KCNIP4: variants seen among roughly 807,000 people sequenced by gnomAD.
KCNIP4 encodes potassium voltage-gated channel interacting protein 4.
A neutral mutation model predicts 34.0 loss-of-function variants in KCNIP4; 12 were observed. The observed-to-expected ratio is 0.35, with a 90% CI of 0.23 to 0.57. The LOEUF is 0.57. Ranked by LOEUF, KCNIP4 falls within the 20% of genes least tolerant of loss-of-function variation. The pLI, the probability that KCNIP4 is intolerant of heterozygous loss-of-function variation, is 0.83. For missense variants in KCNIP4, 238 were observed against 311.7 expected, an observed-to-expected ratio of 0.76 and a Z score of 1.78; for synonymous variants, 124 against 102.2, an observed-to-expected ratio of 1.21 and a Z score of -1.29.
intron 1 of KCNIP4, among the ~76,000 whole-genome samples, chr4:21,309,850 T>C (rs922379709): frequency 6.6e-6 from 1 of 152,150 alleles, no homozygotes; most frequent in African/African-American, 2.4e-5. Context: ...GAAAGTACCA[T>C]GAGATCAGGG....
At chr4:20,910,855 G>A (rs1728262274) in intron 1 of KCNIP4, among the ~76,000 whole-genome samples, 1 of 152,124 alleles carries the variant, frequency 6.6e-6, no homozygotes, top group Admixed American at 6.5e-5. Context: ...GCCCCTTTGA[G>A]TGTGACACAG....
At chr4:21,850,197 T>A (rs1330450424) in intron 1 of KCNIP4, 2 of 151,992 alleles carry the variant, frequency 1.3e-5, no homozygotes, top group Non-Finnish European at 2.9e-5. Flanking sequence ...AATAATATCA[T>A]CCCGACCACC....
In KCNIP4 at chr4:21,281,752, T is replaced by C. The variant is rs534617450; in HGVS notation, c.62-399043A>G. 2.6e-5 allele frequency among the ~76,000 whole-genome samples: 4 copies of C among 152,306 alleles called. No individual in the cohort carries two copies. The South Asian group carries it at 8.3e-4, about 32-fold the overall frequency. ...TGAAAATTGATAACCTGTGTACATATGGCAACTTCCCATTGATCTGAATAT... is the reference window on the plus strand; with the variant it reads ...TGAAAATTGATAACCTGTGTACATACGGCAACTTCCCATTGATCTGAATAT... On this transcript the variant is annotated intron_variant, in intron 1 of 8. Coordinates refer to ENST00000382152, the MANE Select transcript of KCNIP4 (RefSeq NM_025221.6).
chr4:20,728,939 T>C lies in KCNIP4; in HGVS notation c.*1143A>G, dbSNP rs182765734. On this transcript the variant is annotated 3_prime_UTR_variant, in exon 9 of 9. Coordinates refer to ENST00000382152, the MANE Select transcript of KCNIP4 (RefSeq NM_025221.6). Reference sequence around the variant, plus strand: ...TAAGATGATTAAAAATAATCTGAATTATGATGAGCTAAATCATACTGTAAT... The same window carrying C: ...TAAGATGATTAAAAATAATCTGAATCATGATGAGCTAAATCATACTGTAAT... The C allele has an allele frequency of 2.0e-4, 30 of 152,236 alleles. No homozygotes were observed. The highest frequency in any genetic ancestry group is 1.7e-3 in the Admixed American group (26 of 15,278). 9.4% of individuals were successfully genotyped at this position (152,236 alleles called of 1,614,324 possible).
rs758317234 is a variant in KCNIP4 at position 21,830,672 on chromosome 4, TCAAA to T, written c.61+117895_61+117898del. Among the ~76,000 whole-genome samples the T allele has an allele frequency of 1.5e-3, 231 of 152,130 alleles. 4 individuals carry two copies. Among genetic ancestry groups the T allele is most frequent in the Admixed American group, 0.015 (223 of 15,246 alleles). On this transcript the variant is annotated intron_variant, in intron 1 of 8. Coordinates refer to ENST00000382152, the MANE Select transcript of KCNIP4 (RefSeq NM_025221.6). ...CTGGGTGACAGAGCAAGACTCAGTC[TCAAA>T]CAAACAAACAAACAAATAATAATAC... is the stretch of plus-strand genomic sequence containing the variant.
At chr4:20,944,658 C>T (rs541343472) in intron 1 of KCNIP4, among the ~76,000 whole-genome samples, 4 of 152,152 alleles carry the variant, frequency 2.6e-5, no homozygotes, top group Non-Finnish European at 4.4e-5. Flanking sequence ...GCAGCTTGCC[C>T]GAGGCTTTGC....
intron 1 of KCNIP4, among the ~76,000 whole-genome samples, chr4:20,936,414 G>GTTTT (rs10676973): frequency 1.9e-4 from 29 of 150,400 alleles, no homozygotes; most frequent in Admixed American, 1.3e-3. Context: ...TAAAAGATAT[G>GTTTT]TTTTTTTTTT....
intron 1 of KCNIP4, among the ~76,000 whole-genome samples, chr4:21,907,157 AG>A (rs1267015116): frequency 6.6e-6 from 1 of 152,018 alleles, no homozygotes; most frequent in East Asian, 1.9e-4. Context: ...GGTTGTTGAG[AG>A]GTGATTAGGG....
chr4:21,607,013 T>A (rs895550547), intron 1 of KCNIP4, among the ~76,000 whole-genome samples: 3 of 151,592 alleles, frequency 2.0e-5, no homozygotes, highest in African/African-American at 7.3e-5. Flanking sequence ...TATCTTAATG[T>A]CAGCTAATTA....
chr4:21,194,002 G>A (rs1342717624), intron 1 of KCNIP4, among the ~76,000 whole-genome samples: 2 of 152,120 alleles, frequency 1.3e-5, no homozygotes, highest in Non-Finnish European at 1.5e-5. Flanking sequence ...TTTTATACAC[G>A]GCAATTTGAA....
chr4:21,238,889 G>A (rs1759578475), intron 1 of KCNIP4, among the ~76,000 whole-genome samples: 1 of 152,052 alleles, frequency 6.6e-6, no homozygotes, highest in South Asian at 2.1e-4. Context: ...AAGTTCATAT[G>A]GAACCAAAAC....
At chr4:20,946,674 GTTT>G (rs1257085867) in intron 1 of KCNIP4, among the ~76,000 whole-genome samples, 1 of 152,070 alleles carries the variant, frequency 6.6e-6, no homozygotes, top group African/African-American at 2.4e-5. Context: ...CTCCCTTCAG[GTTT>G]TTATCAAATT....
chr4:21,034,202 G>A (rs1393322543), intron 1 of KCNIP4, among the ~76,000 whole-genome samples: 2 of 152,118 alleles, frequency 1.3e-5, no homozygotes, highest in African/African-American at 4.8e-5. Flanking sequence ...ACTTATAGAA[G>A]AGTTCCTTCC....
intron 1 of KCNIP4, among the ~76,000 whole-genome samples, chr4:21,148,285 T>G (rs1337505527): frequency 6.6e-6 from 1 of 152,080 alleles, no homozygotes; most frequent in Non-Finnish European, 1.5e-5. Context: ...ATAACAACCT[T>G]CAGAGAACAA....
At chr4:21,077,666 C>T (rs1745612128) in intron 1 of KCNIP4, among the ~76,000 whole-genome samples, 1 of 152,104 alleles carries the variant, frequency 6.6e-6, no homozygotes, top group African/African-American at 2.4e-5. Flanking sequence ...ATCTACTTCT[C>T]AGTGTTCTTG....
Position 21,170,062 on chromosome 4 carries a change from G to A in KCNIP4, c.62-287353C>T, listed in dbSNP as rs531159135. On this transcript the variant is annotated intron_variant, in intron 1 of 8. Coordinates refer to ENST00000382152, the MANE Select transcript of KCNIP4 (RefSeq NM_025221.6). ...AGCAGAGTTTTTATAGGAAAAGAAG[G>A]AATCTTGAGATTAAAGTGCATTCAA... Among the ~76,000 whole-genome samples the A allele has an allele frequency of 4.6e-5, 7 of 152,194 alleles. No homozygotes were observed. The South Asian group carries it at 1.5e-3, about 32-fold the overall frequency.
intron 4 of KCNIP4, among the ~76,000 whole-genome samples, chr4:20,751,492 G>A (rs991198781): frequency 6.6e-6 from 1 of 152,000 alleles, no homozygotes; most frequent in Admixed American, 6.6e-5. Flanking sequence ...GTGCCCTCTG[G>A]AGATGTGAAT....
At chr4:21,793,878 C>A (rs28676618) in intron 1 of KCNIP4, among the ~76,000 whole-genome samples, 16,055 of 152,136 alleles carry the variant, frequency 0.11, 2,893 homozygotes, top group African/African-American at 0.37. Context: ...AGACTTGGAA[C>A]CAACCCAAAT....
intron 1 of KCNIP4, among the ~76,000 whole-genome samples, chr4:21,538,869 G>A (rs139765398): frequency 1.3e-5 from 2 of 152,298 alleles, no homozygotes; most frequent in African/African-American, 4.8e-5. Context: ...GCTCTCTGAT[G>A]TGGTTTGGCT....
Sources: allele counts gnomAD v4.1 joint callset (sites outside exome capture counted in the v4.1 genomes callset), GRCh38; gene constraint gnomAD v4.1.1; transcripts MANE v1.5; gene names NCBI Gene and HGNC (gene_info 2026-07-23, HGNC 2026-07-21).